Variants in AGPAT4 observed in about 807,000 individuals in gnomAD.
AGPAT4 encodes 1-acylglycerol-3-phosphate O-acyltransferase 4, also known as 1-acyl-sn-glycerol-3-phosphate acyltransferase delta.
Under a neutral mutation model 48.0 loss-of-function variants are expected in AGPAT4, and 15 were observed. That is an observed-to-expected ratio of 0.31 (90% CI 0.21 to 0.48). The LOEUF (loss-of-function observed/expected upper bound fraction) is 0.48, where lower values mean the gene tolerates loss of function less well. Ranked by LOEUF, AGPAT4 falls within the 20% of genes least tolerant of loss-of-function variation. AGPAT4 has a pLI of 0.99. For synonymous variants in AGPAT4, 178 were observed against 198.7 expected (o/e 0.90, Z 0.88); for missense variants, 314 against 482.5 (o/e 0.65, Z 3.27).
chr6:161,136,746 AGCTG>A lies in AGPAT4; in HGVS notation c.1043-116_1043-113del, dbSNP rs1358978875. 2.2e-5 allele frequency: 19 copies of A among 856,746 alleles called. No homozygotes were observed. In the African/African-American group the frequency reaches 3.0e-4, roughly 14 times the overall value. 53.1% of individuals were successfully genotyped at this position (856,746 alleles called of 1,614,324 possible). A position where few individuals can be genotyped will look rare whatever the true frequency, so the allele number is the denominator to read the frequency against. ...CCGCAAATCACAAGCGCCAGCTCAG[AGCTG>A]GCTGGCGGGTTTGAGGTGCCATCAT... On this transcript the variant is annotated intron_variant, in intron 8 of 8. Transcript: ENST00000320285.
rs1780080861 is a variant in AGPAT4 at position 161,165,797 on chromosome 6, T to C, written c.348+451A>G. 1 of 594,414 alleles carries C rather than the reference T, an allele frequency of 1.7e-6. No individual in the cohort carries two copies. Among genetic ancestry groups the C allele is most frequent in the Non-Finnish European group, 3.1e-6 (1 of 325,762 alleles). The allele number at this position is 594,414 out of a possible 1,614,324, so 36.8% of individuals were successfully genotyped here. ...CTCTCACTTATGGACTCAAAGTTCTTAAGCCTTCAACGATCAAAATGCAGA... is the reference window on the plus strand; with the variant it reads ...CTCTCACTTATGGACTCAAAGTTCTCAAGCCTTCAACGATCAAAATGCAGA... On this transcript the variant is annotated intron_variant, in intron 3 of 8. Coordinates refer to ENST00000320285, the MANE Select transcript of AGPAT4 (RefSeq NM_020133.3). This position sits in a 1 kb window ranked among gnomAD's most constrained non-coding sequence, Gnocchi z 5.5.
rs1214201632 is a variant in AGPAT4, at chr6:161,202,502, G to A, written c.178+29534C>T. 6.6e-6 allele frequency among the ~76,000 whole-genome samples: 1 copy of A among 152,122 alleles called. No individual in the cohort carries two copies. Among genetic ancestry groups the A allele is most frequent in the Non-Finnish European group, 1.5e-5 (1 of 68,024 alleles). The stretch of plus-strand genomic sequence containing the variant: ...ATGTCACTTAGTTGAAGAGAAGAGA[G>A]TTACTAGCCCGCACTCAGGAGTTAG... On this transcript the variant is annotated intron_variant, in intron 2 of 8. Coordinates refer to ENST00000320285, the MANE Select transcript of AGPAT4 (RefSeq NM_020133.3). This position sits in a 1 kb window ranked among gnomAD's most constrained non-coding sequence, Gnocchi z 5.4.
intron 2 of AGPAT4, among the ~76,000 whole-genome samples, chr6:161,185,142 TA>T (rs11299421): frequency 0.54 from 72,754 of 134,800 alleles, 18,620 homozygotes; most frequent in East Asian, 0.7. Flanking sequence ...TCCAAATGTT[TA>T]AAAAAAAAAA....
chr6:161,241,124 G>C (rs765669794), intron 1 of AGPAT4, among the ~76,000 whole-genome samples: 3 of 151,770 alleles, frequency 2.0e-5, no homozygotes, highest in African/African-American at 7.3e-5. Flanking sequence ...TTAGCTGGGC[G>C]TGGTGGCAGG....
chr6:161,151,267 A>G (rs917476091), intron 5 of AGPAT4, among the ~76,000 whole-genome samples: 1 of 152,206 alleles, frequency 6.6e-6, no homozygotes, highest in African/African-American at 2.4e-5. Flanking sequence ...AGAAAAAGCA[A>G]TCTGCCTTCC....
In AGPAT4 at chr6:161,243,834, A is replaced by G. The variant is rs9458168; in HGVS notation, c.-89-11532T>C. ...AGATTTTCCTCAGGTGGACATTTTT[A>G]GCCTGACAACCACTCATCTCCAGGG... is the stretch of plus-strand genomic sequence containing the variant. On this transcript the variant is annotated intron_variant, in intron 1 of 8. Transcript: ENST00000320285. This position sits in a 1 kb window ranked among gnomAD's most constrained non-coding sequence, Gnocchi z 4.8. 0.02 allele frequency among the ~76,000 whole-genome samples: 3,018 copies of G among 152,266 alleles called. 95 individuals are homozygous for G. The highest frequency in any genetic ancestry group is 0.068 in the African/African-American group (2,843 of 41,538).
rs1781591935 is a variant in AGPAT4 at position 161,214,468 on chromosome 6, G to A, written c.178+17568C>T. On this transcript the variant is annotated intron_variant, in intron 2 of 8. Coordinates refer to ENST00000320285, the MANE Select transcript of AGPAT4 (RefSeq NM_020133.3). The surrounding 1 kb of genome is among the most constrained non-coding windows in gnomAD (Gnocchi z 5.4). ...CACTGTAACACAATGGTAACTATTT[G>A]TGTATCTAAACATAGGGCTGGGCAT... Among the ~76,000 whole-genome samples, 1 of 152,190 alleles carries A rather than the reference G, an allele frequency of 6.6e-6. No homozygotes were observed. Among genetic ancestry groups the A allele is most frequent in the African/African-American group, 2.4e-5 (1 of 41,452 alleles).
At chr6:161,190,904 T>G (rs1780904820) in intron 2 of AGPAT4, among the ~76,000 whole-genome samples, 1 of 152,176 alleles carries the variant, frequency 6.6e-6, no homozygotes, top group African/African-American at 2.4e-5. Flanking sequence ...TAGTCAGACT[T>G]TGTTCTTTGT....
In AGPAT4 at chr6:161,155,731, A is replaced by T. The variant is rs1434742231; in HGVS notation, c.349-1421T>A. ...GGCCCTATCTCCAGGGGACTCCGGGAACATCCCCGTGGGTGGGTGAACCCA... is the reference window on the plus strand; with the variant it reads ...GGCCCTATCTCCAGGGGACTCCGGGTACATCCCCGTGGGTGGGTGAACCCA... On this transcript the variant is annotated intron_variant, in intron 3 of 8. Coordinates refer to ENST00000320285, the MANE Select transcript of AGPAT4 (RefSeq NM_020133.3). The surrounding 1 kb of genome is among the most constrained non-coding windows in gnomAD (Gnocchi z 5.8). Among the ~76,000 whole-genome samples, 1 of 152,246 alleles carries T rather than the reference A, an allele frequency of 6.6e-6. No individual in the cohort carries two copies. Among genetic ancestry groups the T allele is most frequent in the African/African-American group, 2.4e-5 (1 of 41,474 alleles).
chr6:161,240,249 C>T lies in AGPAT4; in HGVS notation c.-89-7947G>A, dbSNP rs953676121. Among the ~76,000 whole-genome samples the T allele has an allele frequency of 6.6e-6, 1 of 151,648 alleles. No homozygotes were observed. The highest frequency in any genetic ancestry group is 1.5e-5 in the Non-Finnish European group (1 of 67,918). The stretch of plus-strand genomic sequence containing the variant: ...ACACACACACACACACACACACACA[C>T]ACACACACACACACACACTTAAACA... On this transcript the variant is annotated intron_variant, in intron 1 of 8. Coordinates refer to ENST00000320285, the MANE Select transcript of AGPAT4 (RefSeq NM_020133.3). This position sits in a 1 kb window ranked among gnomAD's most constrained non-coding sequence, Gnocchi z 5.5.
chr6:161,171,899 CAAAAACAAAAAACA>C lies in AGPAT4; in HGVS notation c.179-5496_179-5483del, dbSNP rs138171976. On this transcript the variant is annotated intron_variant, in intron 2 of 8. Transcript: ENST00000320285. This position sits in a 1 kb window ranked among gnomAD's most constrained non-coding sequence, Gnocchi z 4.4. ...TGGGTGACAGAGCAAGACTCCATCTCAAAAACAAAAAACAAAAAACAAAAAACCAAAAGTTTCCA... is the reference window on the plus strand; with the variant it reads ...TGGGTGACAGAGCAAGACTCCATCTCAAAAACAAAAAACCAAAAGTTTCCA... Among the ~76,000 whole-genome samples, 4 of 151,942 alleles carry C rather than the reference CAAAAACAAAAAACA, an allele frequency of 2.6e-5. No individual in the cohort carries two copies. The East Asian group carries it at 7.7e-4, about 29-fold the overall frequency.
intron 1 of AGPAT4, among the ~76,000 whole-genome samples, chr6:161,241,257 C>T (rs539125721): frequency 6.4e-5 from 7 of 109,660 alleles, no homozygotes; most frequent in Admixed American, 6.3e-4. Flanking sequence ...GAGCAAAACT[C>T]TGTCTCAAAA....
chr6:161,254,621 CT>C lies in AGPAT4; in HGVS notation c.-90+19316del, dbSNP rs1782895121. On this transcript the variant is annotated intron_variant, in intron 1 of 8. Transcript: ENST00000320285. The surrounding 1 kb of genome is among the most constrained non-coding windows in gnomAD (Gnocchi z 5.9). ...TATTGGGAAATCGAGGAGAAAATGC[CT>C]TCTTACAAACCCTCCAGCTTCCATT... is the stretch of plus-strand genomic sequence containing the variant. Among the ~76,000 whole-genome samples the C allele has an allele frequency of 6.6e-6, 1 of 152,172 alleles. No individual in the cohort carries two copies. Among genetic ancestry groups the C allele is most frequent in the African/African-American group, 2.4e-5 (1 of 41,436 alleles).
At position 161,245,608 on chromosome 6, in the gene AGPAT4, G is replaced by T. The variant is rs2115047827; in HGVS notation, c.-89-13306C>A. 6.6e-6 allele frequency among the ~76,000 whole-genome samples: 1 copy of T among 152,228 alleles called. No individual in the cohort carries two copies. The highest frequency in any genetic ancestry group is 2.1e-4 in the South Asian group (1 of 4,814). Reference sequence around the variant, plus strand: ...AGGGGAGCAGTTTAGGGGGACACAAGCAAGTGGCCGTTCATTTTCTTCTGC... The same window carrying T: ...AGGGGAGCAGTTTAGGGGGACACAATCAAGTGGCCGTTCATTTTCTTCTGC... On this transcript the variant is annotated intron_variant, in intron 1 of 8. Transcript: ENST00000320285. The surrounding 1 kb of genome is among the most constrained non-coding windows in gnomAD (Gnocchi z 5.2).
Position 161,139,139 on chromosome 6 carries a change from G to C in AGPAT4, c.1042+283C>G, listed in dbSNP as rs543034832. Among the ~76,000 whole-genome samples, 2 of 152,320 alleles carry C rather than the reference G, an allele frequency of 1.3e-5. No homozygotes were observed. Among genetic ancestry groups the C allele is most frequent in the African/African-American group, 2.4e-5 (1 of 41,582 alleles). On this transcript the variant is annotated intron_variant, in intron 8 of 8. Coordinates refer to ENST00000320285, the MANE Select transcript of AGPAT4 (RefSeq NM_020133.3). The surrounding 1 kb of genome is among the most constrained non-coding windows in gnomAD (Gnocchi z 9.1). ...GGACAGGGAGGGAGCACTCCCAGCT[G>C]TCGGGGAGTGAAGTGGCAGCTGCAT... is the stretch of plus-strand genomic sequence containing the variant.
At position 161,144,438 on chromosome 6, in the gene AGPAT4, A is replaced by G. The variant is rs1779351816; in HGVS notation, c.843+2086T>C. Among the ~76,000 whole-genome samples the G allele has an allele frequency of 6.6e-6, 1 of 152,180 alleles. No individual in the cohort carries two copies. The highest frequency in any genetic ancestry group is 1.5e-5 in the Non-Finnish European group (1 of 68,034). On this transcript the variant is annotated intron_variant, in intron 7 of 8. Transcript: ENST00000320285. This position sits in a 1 kb window ranked among gnomAD's most constrained non-coding sequence, Gnocchi z 6.6. ...TACCAAGTTGAACACTATCATTTAA[A>G]TGTGAACATAGTTTAGAGGAAAACA...
chr6:161,181,769 A>G (rs1216042522), intron 2 of AGPAT4, among the ~76,000 whole-genome samples: 1 of 152,028 alleles, frequency 6.6e-6, no homozygotes, highest in Non-Finnish European at 1.5e-5. Context: ...ACACGTCCGC[A>G]CCATCAGATG....
Position 161,270,730 on chromosome 6 carries a change from C to T in AGPAT4, c.-90+3208G>A, listed in dbSNP as rs1463128161. 2.0e-5 allele frequency among the ~76,000 whole-genome samples: 3 copies of T among 152,094 alleles called. 1 individual carries two copies. The highest frequency in any genetic ancestry group is 4.2e-4 in the South Asian group (2 of 4,812). ...CCAGGAGGGGGAGGTTGTGGTGAGC[C>T]GAGATCACGCCATTGCACTCCAGCC... On this transcript the variant is annotated intron_variant, in intron 1 of 8. Transcript: ENST00000320285. This position sits in a 1 kb window ranked among gnomAD's most constrained non-coding sequence, Gnocchi z 5.3.
Position 161,223,239 on chromosome 6 carries a change from TG to T in AGPAT4, c.178+8796del, listed in dbSNP as rs1456111171. ...AGTGCCTGGCCCCCTGGACTGAGCT[TG>T]GGTGCACGTTTGTTAAAGAATGCCT... On this transcript the variant is annotated intron_variant, in intron 2 of 8. Coordinates refer to ENST00000320285, the MANE Select transcript of AGPAT4 (RefSeq NM_020133.3). This position sits in a 1 kb window ranked among gnomAD's most constrained non-coding sequence, Gnocchi z 6.3. Among the ~76,000 whole-genome samples the T allele has an allele frequency of 6.6e-6, 1 of 152,164 alleles. No homozygotes were observed. Among genetic ancestry groups the T allele is most frequent in the Non-Finnish European group, 1.5e-5 (1 of 68,026 alleles).
Sources: gnomAD v4.1 joint callset for allele counts (sites outside exome capture counted in the v4.1 genomes callset) on GRCh38, gnomAD v4.1.1 for gene constraint, Gnocchi (gnomAD v3.1) non-coding constraint, MANE v1.5 for transcripts, NCBI Gene and HGNC (gene_info 2026-07-23, HGNC 2026-07-21) for gene names.